MGMT: variants seen among roughly 807,000 people sequenced by gnomAD.
MGMT encodes the protein methylated-DNA--protein-cysteine methyltransferase.
A neutral mutation model predicts 15.9 loss-of-function variants in MGMT; 14 were observed. The ratio of observed to expected loss-of-function variants is 0.88; its 90% CI spans 0.58 to 1.37. The LOEUF (loss-of-function observed/expected upper bound fraction) is 1.37, where lower values mean the gene tolerates loss of function less well. MGMT is among the 40% of genes most tolerant of loss of function. The pLI is 0.00. For missense variants in MGMT, 282 were observed against 268.1 expected (o/e 1.05, Z -0.36); for synonymous variants, 130 against 118.2 (o/e 1.10, Z -0.65).
intron 1 of MGMT, among the ~76,000 whole-genome samples, chr10:129,468,102 C>T (rs1413464669): frequency 6.6e-6 from 1 of 152,016 alleles, no homozygotes; most frequent in Non-Finnish European, 1.5e-5. Flanking sequence ...GCACAGAGAG[C>T]TGAGAATTAG....
intron 3 of MGMT, among the ~76,000 whole-genome samples, chr10:129,735,652 T>G (rs1848551568): frequency 1.6e-5 from 2 of 125,294 alleles, no homozygotes; most frequent in Non-Finnish European, 3.3e-5. Context: ...ATTGTGATGT[T>G]AGGGTGTCAA....
chr10:129,657,369 A>G (rs1847535768), intron 2 of MGMT, among the ~76,000 whole-genome samples: 1 of 138,926 alleles, frequency 7.2e-6, no homozygotes, highest in South Asian at 2.5e-4. Context: ...TGTAACAAAT[A>G]CTTAGCAAGG....
intron 2 of MGMT, among the ~76,000 whole-genome samples, chr10:129,633,735 G>A (rs1322477809): frequency 2.0e-5 from 3 of 152,266 alleles, no homozygotes; most frequent in East Asian, 3.9e-4. Context: ...GTGGTTATAT[G>A]CATAAAAGAC....
At position 129,640,030 on chromosome 10, in the gene MGMT, G is replaced by GA. The variant is rs201282936; in HGVS notation, c.126-67856dup. Among the ~76,000 whole-genome samples, 67 of 145,788 alleles carry GA rather than the reference G, an allele frequency of 4.6e-4. No homozygotes were observed. In the Middle Eastern group the frequency reaches 0.018, roughly 39 times the overall value. On this transcript the variant is annotated intron_variant, in intron 2 of 4. Transcript: ENST00000651593. ...CATTGCTACAAAACATACTGACACT[G>GA]AAAAAAAAAGTGCATAGCAGGACAG...
chr10:129,681,055 T>C (rs2133120189), intron 2 of MGMT, among the ~76,000 whole-genome samples: 1 of 152,298 alleles, frequency 6.6e-6, no homozygotes, highest in African/African-American at 2.4e-5. Context: ...GGCCCTGCTT[T>C]GTGTCCTGTG....
intron 3 of MGMT, among the ~76,000 whole-genome samples, chr10:129,734,251 A>C (rs908586960): frequency 7.1e-6 from 1 of 140,850 alleles, no homozygotes; most frequent in African/African-American, 2.5e-5. Context: ...AGTGGTTTGT[A>C]GTTCTCCTTG....
chr10:129,606,844 C>T (rs571973066), intron 2 of MGMT, among the ~76,000 whole-genome samples: 2 of 152,260 alleles, frequency 1.3e-5, no homozygotes, highest in South Asian at 4.1e-4. Context: ...TGAAATGATT[C>T]CTCATCTCAA....
chr10:129,563,045 G>A (rs1311303062), intron 2 of MGMT, among the ~76,000 whole-genome samples: 8 of 152,168 alleles, frequency 5.3e-5, no homozygotes, highest in African/African-American at 1.7e-4. Flanking sequence ...TTATAAAATA[G>A]GCTCGTGTTC....
intron 2 of MGMT, among the ~76,000 whole-genome samples, chr10:129,683,568 T>G (rs1274991849): frequency 1.3e-5 from 2 of 152,208 alleles, no homozygotes; most frequent in African/African-American, 4.8e-5. Context: ...CTTCATACTT[T>G]CTTAATTCAG....
intron 2 of MGMT, among the ~76,000 whole-genome samples, chr10:129,541,364 C>T (rs1846040997): frequency 6.6e-6 from 1 of 152,266 alleles, no homozygotes; most frequent in Admixed American, 6.5e-5. Flanking sequence ...TTGGCCTCTG[C>T]AAGAGCGGAG....
At chr10:129,764,214 G>A (rs1403171090) in intron 4 of MGMT, among the ~76,000 whole-genome samples, 8 of 152,270 alleles carry the variant, frequency 5.3e-5, no homozygotes, top group Admixed American at 5.2e-4. Flanking sequence ...GCCGGAGGCT[G>A]AGACAGGCCT....
rs1411563941 is a variant in MGMT at position 129,636,953 on chromosome 10, G to C, written c.126-70942G>C. 2.6e-5 allele frequency among the ~76,000 whole-genome samples: 4 copies of C among 152,196 alleles called. No homozygotes were observed. The East Asian group carries it at 7.7e-4, about 29-fold the overall frequency. ...TAAATTGACAAGAGCAGCCACACTCGAGTTGTCTAAGTCAGAGGCTTTATA... is the reference window on the plus strand; with the variant it reads ...TAAATTGACAAGAGCAGCCACACTCCAGTTGTCTAAGTCAGAGGCTTTATA... On this transcript the variant is annotated intron_variant, in intron 2 of 4. Transcript: ENST00000651593.
intron 2 of MGMT, among the ~76,000 whole-genome samples, chr10:129,679,331 C>G (rs947293736): frequency 2.6e-5 from 4 of 151,708 alleles, no homozygotes; most frequent in Admixed American, 6.6e-5. Flanking sequence ...GCTTCCAGAA[C>G]TGGCGTGAGG....
chr10:129,514,271 G>C (rs1169908616), intron 1 of MGMT, among the ~76,000 whole-genome samples: 1 of 152,188 alleles, frequency 6.6e-6, no homozygotes, highest in Non-Finnish European at 1.5e-5. Context: ...TTTGAACAAA[G>C]ATTGGGTATT....
chr10:129,763,583 G>A (rs972506591), intron 4 of MGMT, among the ~76,000 whole-genome samples: 1 of 152,080 alleles, frequency 6.6e-6, no homozygotes, highest in African/African-American at 2.4e-5. Context: ...TCATTGAGAG[G>A]GAGAGAAGAA....
intron 2 of MGMT, among the ~76,000 whole-genome samples, chr10:129,580,238 A>T (rs574917197): frequency 6.6e-6 from 1 of 152,258 alleles, no homozygotes; most frequent in East Asian, 1.9e-4. Flanking sequence ...ACTGCGCAGG[A>T]TCAGGGGGAT....
intron 2 of MGMT, among the ~76,000 whole-genome samples, chr10:129,678,068 A>T (rs1847805908): frequency 6.6e-6 from 1 of 151,946 alleles, no homozygotes; most frequent in Non-Finnish European, 1.5e-5. Context: ...ATCATTGTCC[A>T]GAAACGCTCC....
intron 2 of MGMT, 85 bp downstream of exon 2, chr10:129,536,462 A>C: frequency 1.3e-6 from 2 of 1,518,246 alleles, no homozygotes; most frequent in Admixed American, 4.3e-5. Context: ...TTTTCCATTG[A>C]TGGCAGGGTA....
At chr10:129,676,973 G>A (rs1466552428) in intron 2 of MGMT, among the ~76,000 whole-genome samples, 2 of 152,128 alleles carry the variant, frequency 1.3e-5, no homozygotes, top group African/African-American at 4.8e-5. Flanking sequence ...ATCTGAAATG[G>A]TGACCATCTT....
Sources: allele counts gnomAD v4.1 joint callset (sites outside exome capture counted in the v4.1 genomes callset), GRCh38; gene constraint gnomAD v4.1.1; transcripts MANE v1.5; gene names NCBI Gene and HGNC (gene_info 2026-07-23, HGNC 2026-07-21).